The following PROX1 variants were observed in gnomAD, a reference collection of about 807,000 sequenced individuals.
The protein encoded by PROX1 is prospero homeobox 1.
In PROX1, 7 loss-of-function variants were observed where a neutral mutation model predicts 58.8. The ratio of observed to expected loss-of-function variants is 0.12; its 90% CI spans 0.07 to 0.22. The LOEUF (loss-of-function observed/expected upper bound fraction) is 0.22, where lower values mean the gene tolerates loss of function less well. Ranked by LOEUF, PROX1 falls within the 10% of genes least tolerant of loss-of-function variation. PROX1 has a pLI of 1.00. For missense variants in PROX1, 675 were observed against 927.8 expected (o/e 0.73, Z 3.54); for synonymous variants, 350 against 358.3 (o/e 0.98, Z 0.26).
intron 3 of PROX1, among the ~76,000 whole-genome samples, chr1:214,007,060 A>T (rs1384046634): frequency 1.3e-5 from 2 of 152,158 alleles, no homozygotes; most frequent in East Asian, 3.9e-4. Flanking sequence ...GAGTTCAAGC[A>T]TGCGTGCATG....
chr1:214,002,964 A>C (rs1241145438), intron 2 of PROX1, among the ~76,000 whole-genome samples: 1 of 152,218 alleles, frequency 6.6e-6, no homozygotes, highest in Non-Finnish European at 1.5e-5. Flanking sequence ...TCTGTGTTCC[A>C]TTTCAACTGA....
intron 4 of PROX1, among the ~76,000 whole-genome samples, chr1:214,024,786 T>C (rs1664397133): frequency 6.6e-6 from 1 of 152,218 alleles, no homozygotes; most frequent in African/African-American, 2.4e-5. Flanking sequence ...CCAGCTTCCC[T>C]TCATGCAATA....
upstream of PROX1, chr1:213,986,021 T>C (rs1324467531): frequency 2.0e-5 from 3 of 152,384 alleles, no homozygotes; most frequent in South Asian, 2.1e-4. Flanking sequence ...AAAGTAGCTT[T>C]GATCCATTCT....
At chr1:214,000,042 T>TCACACACACACACACACA (rs1558172446) in intron 2 of PROX1, among the ~76,000 whole-genome samples, 15 of 134,194 alleles carry the variant, frequency 1.1e-4, no homozygotes, top group African/African-American at 3.6e-4. Flanking sequence ...TCTCTCTCTC[T>TCACACACACACACACACA]TACACACACA....
intron 4 of PROX1, among the ~76,000 whole-genome samples, chr1:214,023,792 T>G (rs192624789): frequency 3.3e-5 from 5 of 152,332 alleles, no homozygotes; most frequent in Non-Finnish European, 5.9e-5. Context: ...CATTAACATT[T>G]TAAATTAGAA....
intron 4 of PROX1, among the ~76,000 whole-genome samples, chr1:214,026,064 T>G (rs1157078807): frequency 6.6e-6 from 1 of 152,230 alleles, no homozygotes; most frequent in African/African-American, 2.4e-5. Flanking sequence ...TTTTAAGATC[T>G]TAACAGTATC....
At position 213,988,470 on chromosome 1, in the gene PROX1, G is replaced by C. The variant is rs991276552; in HGVS notation, c.-81G>C. The C allele has an allele frequency of 5.3e-5, 8 of 150,810 alleles. No individual in the cohort carries two copies. The highest frequency in any genetic ancestry group is 2.0e-4 in the African/African-American group (8 of 40,796). The allele number at this position is 150,810 out of a possible 1,614,324, so 9.3% of individuals were successfully genotyped here. On this transcript the variant is annotated 5_prime_UTR_variant, in exon 1 of 5. Coordinates refer to ENST00000366958, the MANE Select transcript of PROX1 (RefSeq NM_001270616.2). ...AGAGAGAGAGAGGCTCGGTCCCACT[G>C]CTCCCTGCACCGCGTAAGTATCTTC... is the stretch of plus-strand genomic sequence containing the variant.
chr1:214,019,253 G>T (rs1438029514), intron 4 of PROX1, among the ~76,000 whole-genome samples: 1 of 151,786 alleles, frequency 6.6e-6, no homozygotes, highest in Non-Finnish European at 1.5e-5. Context: ...CCCAAAACAG[G>T]CTCCCCAAAA....
rs1663267261 is a variant in PROX1, at chr1:213,996,506, T to C, written c.-30T>C. ...CTTGAGCTGTGCCCAGCTGACGAGCTTTTGAAGATGGCACAATAACCGTCC... is the reference window on the plus strand; with the variant it reads ...CTTGAGCTGTGCCCAGCTGACGAGCCTTTGAAGATGGCACAATAACCGTCC... On this transcript the variant is annotated 5_prime_UTR_variant, in exon 2 of 5. Transcript: ENST00000366958. 1 of 1,585,980 alleles carries C rather than the reference T, an allele frequency of 6.3e-7. No individual in the cohort carries two copies. Among genetic ancestry groups the C allele is most frequent in the Non-Finnish European group, 8.6e-7 (1 of 1,162,964 alleles).
chr1:214,012,159 G>C (rs972794104), intron 4 of PROX1, among the ~76,000 whole-genome samples: 1 of 152,154 alleles, frequency 6.6e-6, no homozygotes. Flanking sequence ...ACGTTGATGG[G>C]GGAGTGATCA....
Position 214,040,588 on chromosome 1 carries a change from T to C in PROX1, c.*4754T>C, listed in dbSNP as rs1282818315. Reference sequence around the variant, plus strand: ...TCAAAGGTCATGGCTTCCCTCAATATTGTCCCAGCCATTTCTCATATGTAT... The same window carrying C: ...TCAAAGGTCATGGCTTCCCTCAATACTGTCCCAGCCATTTCTCATATGTAT... On this transcript the variant is annotated 3_prime_UTR_variant, in exon 5 of 5. Coordinates refer to ENST00000366958, the MANE Select transcript of PROX1 (RefSeq NM_001270616.2). 4 of 152,194 alleles carry C rather than the reference T, an allele frequency of 2.6e-5. No individual in the cohort carries two copies. Among genetic ancestry groups the C allele is most frequent in the African/African-American group, 9.6e-5 (4 of 41,464 alleles). 9.4% of individuals were successfully genotyped at this position (152,194 alleles called of 1,614,324 possible). A position where few individuals can be genotyped will look rare whatever the true frequency, so the allele number is the denominator to read the frequency against.
At chr1:214,005,389 A>T (rs560184894) in intron 3 of PROX1, 117 bp downstream of exon 3, 10 of 746,332 alleles carry the variant, frequency 1.3e-5, no homozygotes, top group Non-Finnish European at 2.2e-5. Context: ...CCTGTGTTAT[A>T]ATTGATTTAA....
At chr1:214,007,709 A>G (rs1389273473) in intron 3 of PROX1, among the ~76,000 whole-genome samples, 1 of 152,240 alleles carries the variant, frequency 6.6e-6, no homozygotes, top group Admixed American at 6.5e-5. Flanking sequence ...ATACATATAT[A>G]CACATATCTA....
At chr1:214,002,054 G>C (rs1178971059) in intron 2 of PROX1, among the ~76,000 whole-genome samples, 1 of 152,088 alleles carries the variant, frequency 6.6e-6, no homozygotes, top group East Asian at 1.9e-4. Flanking sequence ...AAATTCTTTA[G>C]GTTTCAAATG....
intron 4 of PROX1, among the ~76,000 whole-genome samples, chr1:214,021,219 C>G (rs1336635036): frequency 6.6e-6 from 1 of 152,218 alleles, no homozygotes; most frequent in Non-Finnish European, 1.5e-5. Flanking sequence ...TTTACTTAAA[C>G]CTTTTTTAAA....
rs2102789458 is a variant in PROX1, at chr1:214,036,215, A to G, written c.*381A>G. ...AATGGCGGTTGGCTGAGGAAAACCCATGACACAGCACAACTCTACAGACAG... is the reference window on the plus strand; with the variant it reads ...AATGGCGGTTGGCTGAGGAAAACCCGTGACACAGCACAACTCTACAGACAG... On this transcript the variant is annotated 3_prime_UTR_variant, in exon 5 of 5. Coordinates refer to ENST00000366958, the MANE Select transcript of PROX1 (RefSeq NM_001270616.2). The G allele has an allele frequency of 6.2e-6, 1 of 160,418 alleles. No individual in the cohort carries two copies. The highest frequency in any genetic ancestry group is 1.9e-4 in the South Asian group (1 of 5,288). The allele number at this position is 160,418 out of a possible 1,614,324, so 9.9% of individuals were successfully genotyped here. A position where few individuals can be genotyped will look rare whatever the true frequency, so the allele number is the denominator to read the frequency against.
At chr1:214,000,027 GTC>G (rs900813632) in intron 2 of PROX1, among the ~76,000 whole-genome samples, 6 of 130,136 alleles carry the variant, frequency 4.6e-5, no homozygotes, top group Non-Finnish European at 8.0e-5. Flanking sequence ...GGTTCTTTCT[GTC>G]TCTCTCTCTC....
chr1:214,027,404 C>T (rs186840389), intron 4 of PROX1, among the ~76,000 whole-genome samples: 1 of 152,262 alleles, frequency 6.6e-6, no homozygotes, highest in South Asian at 2.1e-4. Flanking sequence ...TTTTTAAAGT[C>T]AAGCATCAAC....
intron 4 of PROX1, chr1:214,029,539 T>C (rs1428777816): frequency 6.6e-6 from 1 of 152,218 alleles, no homozygotes; most frequent in Non-Finnish European, 1.5e-5. Flanking sequence ...CTTCACTATG[T>C]ATTTTTGATG....
Sources: gnomAD v4.1 joint callset for allele counts (sites outside exome capture counted in the v4.1 genomes callset) on GRCh38, gnomAD v4.1.1 for gene constraint, MANE v1.5 for transcripts, NCBI Gene and HGNC (gene_info 2026-07-23, HGNC 2026-07-21) for gene names.